Variants in PLPPR1 observed in about 807,000 individuals in gnomAD.
PLPPR1 encodes the protein phospholipid phosphatase-related protein type 1.
In PLPPR1, 10 loss-of-function variants were observed where a neutral mutation model predicts 33.1. The ratio of observed to expected loss-of-function variants is 0.30; its 90% CI spans 0.19 to 0.51. The LOEUF (loss-of-function observed/expected upper bound fraction) is 0.51, where lower values mean the gene tolerates loss of function less well. PLPPR1 is among the 20% of genes least tolerant of loss of function. The probability of loss-of-function intolerance (pLI) is 0.97; values close to 1 mark genes in which losing one functional copy is unlikely to be tolerated. For missense variants in PLPPR1, 304 were observed against 408.1 expected, an observed-to-expected ratio of 0.74 and a Z score of 2.20; for synonymous variants, 151 against 151.0, an observed-to-expected ratio of 1.00 and a Z score of 0.00.
intron 2 of PLPPR1, chr9:101,187,229 T>C (rs1826219903): frequency 6.6e-6 from 1 of 151,888 alleles, no homozygotes; most frequent in Admixed American, 6.6e-5. Flanking sequence ...ATCTTTATCC[T>C]CCCTGCAGCA....
intron 2 of PLPPR1, among the ~76,000 whole-genome samples, chr9:101,226,547 C>T (rs1026554371): frequency 5.3e-5 from 8 of 152,098 alleles, no homozygotes; most frequent in African/African-American, 1.7e-4. Flanking sequence ...GGCCCTCTTC[C>T]TAGTTCATAG....
intron 5 of PLPPR1, among the ~76,000 whole-genome samples, chr9:101,310,348 C>G (rs1229479192): frequency 2.0e-5 from 3 of 152,154 alleles, no homozygotes; most frequent in Non-Finnish European, 4.4e-5. Flanking sequence ...GCCCAAAACA[C>G]CCCCTTTCCT....
At chr9:101,117,993 T>C (rs2118588421) in intron 1 of PLPPR1, among the ~76,000 whole-genome samples, 1 of 152,324 alleles carries the variant, frequency 6.6e-6, no homozygotes, top group East Asian at 1.9e-4. Flanking sequence ...AGACAGAATG[T>C]GTAAGTTTAG....
chr9:101,255,841 T>C (rs1588097503), intron 2 of PLPPR1, among the ~76,000 whole-genome samples: 1 of 152,178 alleles, frequency 6.6e-6, no homozygotes, highest in African/African-American at 2.4e-5. Flanking sequence ...AAAACAATTT[T>C]CCCCAATAGT....
intron 2 of PLPPR1, among the ~76,000 whole-genome samples, chr9:101,212,922 CT>C (rs1826715777): frequency 6.6e-6 from 1 of 152,100 alleles, no homozygotes; most frequent in Non-Finnish European, 1.5e-5. Context: ...TATTTTATTT[CT>C]TTTATGCCAG....
At chr9:101,245,259 A>T (rs1453299084) in intron 2 of PLPPR1, among the ~76,000 whole-genome samples, 1 of 152,010 alleles carries the variant, frequency 6.6e-6, no homozygotes, top group Admixed American at 6.6e-5. Flanking sequence ...AAAAGAGCTC[A>T]ATTTAAACAA....
At chr9:101,294,015 G>A (rs1423527546) in intron 4 of PLPPR1, among the ~76,000 whole-genome samples, 5 of 152,114 alleles carry the variant, frequency 3.3e-5, no homozygotes, top group Non-Finnish European at 7.4e-5. Flanking sequence ...GAATCCAGGA[G>A]CTGATTTTTT....
intron 1 of PLPPR1, among the ~76,000 whole-genome samples, chr9:101,125,202 T>G (rs1055239776): frequency 2.0e-5 from 3 of 152,206 alleles, no homozygotes; most frequent in African/African-American, 7.2e-5. Context: ...TCTATCCCTA[T>G]CTGTCCCTGT....
At chr9:101,183,975 C>T (rs1826162146) in intron 1 of PLPPR1, among the ~76,000 whole-genome samples, 1 of 151,512 alleles carries the variant, frequency 6.6e-6, no homozygotes, top group South Asian at 2.1e-4. Context: ...CTGATGCTAA[C>T]AGGAAAGTTC....
At chr9:101,086,227 G>A (rs1311851008) in intron 1 of PLPPR1, among the ~76,000 whole-genome samples, 2 of 152,182 alleles carry the variant, frequency 1.3e-5, no homozygotes, top group Non-Finnish European at 2.9e-5. Context: ...TTTGATAGCA[G>A]ATATTAGGCT....
intron 2 of PLPPR1, among the ~76,000 whole-genome samples, chr9:101,220,109 T>A (rs1485570869): frequency 6.6e-6 from 1 of 152,154 alleles, no homozygotes; most frequent in Non-Finnish European, 1.5e-5. Flanking sequence ...GCATTGTGCA[T>A]CATAGGATGT....
intron 2 of PLPPR1, among the ~76,000 whole-genome samples, chr9:101,246,107 T>TAGATAGATAGATAGATAG (rs1564015131): frequency 1.0e-5 from 1 of 98,308 alleles, no homozygotes; most frequent in Non-Finnish European, 2.3e-5. Context: ...TATATATATA[T>TAGATAGATAGATAGATAG]ATAGATAGAT....
At chr9:101,196,600 G>A (rs770534429) in intron 2 of PLPPR1, among the ~76,000 whole-genome samples, 14 of 152,168 alleles carry the variant, frequency 9.2e-5, no homozygotes, top group African/African-American at 1.7e-4. Flanking sequence ...GGCGGCTCAC[G>A]CCTGTAATCC....
chr9:101,086,296 A>G (rs912055145), intron 1 of PLPPR1, among the ~76,000 whole-genome samples: 1 of 152,194 alleles, frequency 6.6e-6, no homozygotes, highest in Non-Finnish European at 1.5e-5. Context: ...GGTGGGAGGA[A>G]GCAAGATTAG....
At chr9:101,109,434 C>T (rs981342258) in intron 1 of PLPPR1, among the ~76,000 whole-genome samples, 3 of 152,130 alleles carry the variant, frequency 2.0e-5, no homozygotes, top group African/African-American at 7.2e-5. Flanking sequence ...TTATCATCTT[C>T]TCTCTTTTGA....
At chr9:101,100,301 C>T (rs1258366864) in intron 1 of PLPPR1, among the ~76,000 whole-genome samples, 1 of 152,022 alleles carries the variant, frequency 6.6e-6, no homozygotes, top group African/African-American at 2.4e-5. Flanking sequence ...TTTTGCAATG[C>T]AAAATTATTT....
At chr9:101,292,189 C>T (rs977484692) in intron 4 of PLPPR1, among the ~76,000 whole-genome samples, 2 of 151,930 alleles carry the variant, frequency 1.3e-5, no homozygotes, top group Non-Finnish European at 2.9e-5. Context: ...GAAAGGGTAT[C>T]AGCAATGGAA....
chr9:101,155,152 G>C (rs1342843897), intron 1 of PLPPR1, among the ~76,000 whole-genome samples: 1 of 152,026 alleles, frequency 6.6e-6, no homozygotes, highest in Admixed American at 6.5e-5. Context: ...TCAGGAAACA[G>C]TCTATTTGCT....
chr9:101,114,751 G>C (rs1288460332), intron 1 of PLPPR1, among the ~76,000 whole-genome samples: 1 of 152,214 alleles, frequency 6.6e-6, no homozygotes, highest in Non-Finnish European at 1.5e-5. Context: ...GCCTCTCTAA[G>C]TGCAAAGTGC....
Sources: gnomAD v4.1 joint callset for allele counts (sites outside exome capture counted in the v4.1 genomes callset) on GRCh38, gnomAD v4.1.1 for gene constraint, MANE v1.5 for transcripts, NCBI Gene and HGNC (gene_info 2026-07-23, HGNC 2026-07-21) for gene names.